VEPH1: variants seen among roughly 807,000 people sequenced by gnomAD.
The protein encoded by VEPH1 is ventricular zone-expressed PH domain-containing protein homolog 1.
In VEPH1, 80 loss-of-function variants were observed where a neutral mutation model predicts 85.2. The observed-to-expected ratio is 0.94, with a 90% CI of 0.78 to 1.13. The LOEUF (loss-of-function observed/expected upper bound fraction) is 1.13, where lower values mean the gene tolerates loss of function less well. VEPH1 is among the 50% of genes most tolerant of loss of function. The pLI, the probability that VEPH1 is intolerant of heterozygous loss-of-function variation, is 0.00. For synonymous variants in VEPH1, 297 were observed against 348.0 expected (o/e 0.85, Z 1.63); for missense variants, 955 against 980.5 (o/e 0.97, Z 0.35).
intron 8 of VEPH1, 98 bp downstream of exon 8, chr3:157,364,205 G>T: frequency 1.1e-6 from 1 of 924,856 alleles, no homozygotes; most frequent in East Asian, 2.6e-5. Context: ...GTGGCAATGG[G>T]TAAAAGATAT....
chr3:157,371,204 A>T (rs1354596058), intron 7 of VEPH1, among the ~76,000 whole-genome samples: 3 of 152,240 alleles, frequency 2.0e-5, no homozygotes, highest in Non-Finnish European at 4.4e-5. Flanking sequence ...GTACTAAAAG[A>T]GAGGGACTCT....
At chr3:157,354,919 C>G (rs1020896399) in intron 9 of VEPH1, among the ~76,000 whole-genome samples, 2 of 152,168 alleles carry the variant, frequency 1.3e-5, no homozygotes, top group African/African-American at 4.8e-5. Flanking sequence ...TGTTTTCAAT[C>G]TGACTTTTCT....
intron 9 of VEPH1, among the ~76,000 whole-genome samples, chr3:157,347,469 G>A (rs1270869539): frequency 6.6e-6 from 1 of 152,202 alleles, no homozygotes; most frequent in Non-Finnish European, 1.5e-5. Context: ...TCACACAGCT[G>A]AGGTGGAGCA....
rs190406794 is a variant in VEPH1, at chr3:157,424,093, G to A, written c.696+4229C>T. On this transcript the variant is annotated intron_variant, in intron 5 of 13. Coordinates refer to ENST00000362010, the MANE Select transcript of VEPH1 (RefSeq NM_001167912.2). ...CCCATAATTCCCACATGTTGTGGGA[G>A]GGACCTGGTGGGAGATAATTTGAAT... Among the ~76,000 whole-genome samples the A allele has an allele frequency of 2.5e-3, 383 of 152,276 alleles. 3 individuals carry two copies. The highest frequency in any genetic ancestry group is 9.7e-4 in the Non-Finnish European group (66 of 68,018).
At chr3:157,339,821 G>A (rs1215915743) in intron 9 of VEPH1, among the ~76,000 whole-genome samples, 2 of 152,196 alleles carry the variant, frequency 1.3e-5, no homozygotes, top group African/African-American at 4.8e-5. Flanking sequence ...CCCCTTCACT[G>A]TTTTATGGTT....
chr3:157,317,061 C>A lies in VEPH1; in HGVS notation c.1875+1G>T, dbSNP rs2108530121. 6.2e-7 allele frequency: 1 copy of A among 1,610,146 alleles called. No individual in the cohort carries two copies. Among genetic ancestry groups the A allele is most frequent in the Non-Finnish European group, 8.5e-7 (1 of 1,178,212 alleles). On this transcript the variant is annotated splice_donor_variant, in intron 10 of 13. Transcript: ENST00000362010. LOFTEE classifies it high-confidence loss of function. ...GCCTGATGAACACAAATTATACAAA[C>A]CTGCTGAAATAGAAACATGATCTGG...
rs553529950 is a variant in VEPH1, at chr3:157,425,378, A to G, written c.696+2944T>C. 2.0e-5 allele frequency among the ~76,000 whole-genome samples: 3 copies of G among 152,330 alleles called. No individual in the cohort carries two copies. The South Asian group carries it at 6.2e-4, about 32-fold the overall frequency. On this transcript the variant is annotated intron_variant, in intron 5 of 13. Coordinates refer to ENST00000362010, the MANE Select transcript of VEPH1 (RefSeq NM_001167912.2). Reference sequence around the variant, plus strand: ...GTCAGAGCCTCCACACAGAGTCCCTACTGGGGCACCAGCCTGTGAAAGCAG... The same window carrying G: ...GTCAGAGCCTCCACACAGAGTCCCTGCTGGGGCACCAGCCTGTGAAAGCAG...
intron 2 of VEPH1, among the ~76,000 whole-genome samples, chr3:157,494,634 G>A (rs954955637): frequency 2.0e-4 from 30 of 152,202 alleles, no homozygotes; most frequent in African/African-American, 7.0e-4. Context: ...AGGGAGTAGG[G>A]ATGCAGGTGG....
chr3:157,460,867 G>A (rs975141435), intron 3 of VEPH1, among the ~76,000 whole-genome samples: 10 of 152,094 alleles, frequency 6.6e-5, no homozygotes, highest in Admixed American at 3.3e-4. Context: ...GGTGAGGGGA[G>A]AGACGGGGCA....
intron 9 of VEPH1, among the ~76,000 whole-genome samples, chr3:157,341,568 C>T (rs936959170): frequency 2.0e-5 from 3 of 152,148 alleles, no homozygotes; most frequent in East Asian, 1.9e-4. Context: ...CTGAAAGTGA[C>T]GGGGAGAATG....
chr3:157,461,245 A>G (rs1413722014), intron 3 of VEPH1, among the ~76,000 whole-genome samples: 2 of 152,164 alleles, frequency 1.3e-5, no homozygotes, highest in South Asian at 2.1e-4. Context: ...GAAAATACAA[A>G]TTGCTTTCTT....
intron 7 of VEPH1, among the ~76,000 whole-genome samples, chr3:157,371,516 C>A (rs1382380394): frequency 1.3e-5 from 2 of 152,200 alleles, no homozygotes; most frequent in Non-Finnish European, 1.5e-5. Flanking sequence ...ATCAGCATCA[C>A]CTTGGAGCTT....
At chr3:157,369,188 A>AAAAAACAAAAAACAAACAAAC (rs1553773076) in intron 7 of VEPH1, among the ~76,000 whole-genome samples, 87 of 143,814 alleles carry the variant, frequency 6.0e-4, no homozygotes, top group African/African-American at 2.1e-3. Context: ...ATGAAAAAAA[A>AAAAAACAAAAAACAAACAAAC]AAAAAAAAAA....
At chr3:157,482,157 C>G (rs914934381) in intron 2 of VEPH1, among the ~76,000 whole-genome samples, 3 of 152,046 alleles carry the variant, frequency 2.0e-5, no homozygotes, top group African/African-American at 4.8e-5. Flanking sequence ...TATTTTGACT[C>G]TTTTTTGGTT....
chr3:157,359,002 A>G (rs1725753299), intron 9 of VEPH1, among the ~76,000 whole-genome samples: 1 of 152,186 alleles, frequency 6.6e-6, no homozygotes, highest in African/African-American at 2.4e-5. Context: ...CTCAAAAAAG[A>G]AAAGAAAAAA....
At chr3:157,459,834 T>G in intron 4 of VEPH1, 1 of 1,517,308 alleles carries the variant, frequency 6.6e-7, no homozygotes, top group Non-Finnish European at 8.8e-7. Context: ...CATACCCCAC[T>G]GAGTGACGTG....
At chr3:157,503,503 T>C (rs1237592309), upstream of VEPH1, 1 of 152,194 alleles carries the variant, frequency 6.6e-6, no homozygotes, top group Non-Finnish European at 1.5e-5. Flanking sequence ...TAACTTTTCT[T>C]CTCTCTCCCA....
intron 11 of VEPH1, among the ~76,000 whole-genome samples, chr3:157,304,625 A>G (rs944200347): frequency 1.3e-5 from 2 of 152,114 alleles, no homozygotes; most frequent in Admixed American, 6.5e-5. Flanking sequence ...CAATAAATCA[A>G]CTGCTTCTCC....
chr3:157,481,188 G>A (rs1738002975), intron 2 of VEPH1, among the ~76,000 whole-genome samples: 1 of 151,848 alleles, frequency 6.6e-6, no homozygotes, highest in Non-Finnish European at 1.5e-5. Flanking sequence ...TATTGACTCT[G>A]GATATCAGAA....
Sources: allele counts gnomAD v4.1 joint callset (sites outside exome capture counted in the v4.1 genomes callset), GRCh38; gene constraint gnomAD v4.1.1; transcripts MANE v1.5; gene names NCBI Gene and HGNC (gene_info 2026-07-23, HGNC 2026-07-21).